DENND1A: variants seen among roughly 807,000 people sequenced by gnomAD.
DENND1A encodes DENN domain containing 1A, also known as DENN domain-containing protein 1A.
A neutral mutation model predicts 113.7 loss-of-function variants in DENND1A; 51 were observed. The ratio of observed to expected loss-of-function variants is 0.45; its 90% CI spans 0.36 to 0.57. The LOEUF (loss-of-function observed/expected upper bound fraction) is 0.57. Among genes scored for constraint, DENND1A ranks in the 20% least tolerant of loss-of-function variants. The pLI, the probability that DENND1A is intolerant of heterozygous loss-of-function variation, is 0.00. For synonymous variants in DENND1A, 565 were observed against 570.8 expected (o/e 0.99, Z 0.14); for missense variants, 1,258 against 1,395.9 (o/e 0.90, Z 1.57).
chr9:123,477,009 T>C (rs1397461627), intron 13 of DENND1A, among the ~76,000 whole-genome samples: 3 of 152,168 alleles, frequency 2.0e-5, no homozygotes. Flanking sequence ...ATGAAACCAT[T>C]AGGCCCCTTG....
intron 5 of DENND1A, among the ~76,000 whole-genome samples, chr9:123,677,832 G>A (rs536368102): frequency 6.6e-6 from 1 of 152,298 alleles, no homozygotes; most frequent in African/African-American, 2.4e-5. Context: ...ACATTTGTTA[G>A]GATGGACTTC....
chr9:123,385,085 C>A (rs2042488055), intron 22 of DENND1A, among the ~76,000 whole-genome samples: 1 of 152,238 alleles, frequency 6.6e-6, no homozygotes, highest in South Asian at 2.1e-4. Flanking sequence ...TCCCAGGGCA[C>A]CACTGGGTAG....
chr9:123,819,114 G>A (rs541648034), intron 2 of DENND1A, among the ~76,000 whole-genome samples: 1 of 152,306 alleles, frequency 6.6e-6, no homozygotes, highest in African/African-American at 2.4e-5. Context: ...ATCATGCACA[G>A]TAAAGTTTTG....
At chr9:123,421,444 G>T (rs367847192) in intron 19 of DENND1A, among the ~76,000 whole-genome samples, 1 of 152,146 alleles carries the variant, frequency 6.6e-6, no homozygotes, top group South Asian at 2.1e-4. Context: ...ATGTTAAAAC[G>T]TATCTCCTCG....
At chr9:123,686,153 G>A (rs1282064912) in intron 5 of DENND1A, among the ~76,000 whole-genome samples, 1 of 152,190 alleles carries the variant, frequency 6.6e-6, no homozygotes, top group Non-Finnish European at 1.5e-5. Context: ...AGTAAGGGGG[G>A]AAACTAGGTA....
chr9:123,748,222 A>G (rs2069688972), intron 5 of DENND1A, among the ~76,000 whole-genome samples: 1 of 152,184 alleles, frequency 6.6e-6, no homozygotes, highest in Admixed American at 6.5e-5. Flanking sequence ...GCTAGATACA[A>G]AGTTATACCT....
At chr9:123,782,627 C>T (rs1210046642) in intron 3 of DENND1A, among the ~76,000 whole-genome samples, 1 of 152,168 alleles carries the variant, frequency 6.6e-6, no homozygotes, top group African/African-American at 2.4e-5. Context: ...TTTAGGTTTT[C>T]TGATAGAAAT....
intron 20 of DENND1A, 112 bp from the exon 21 acceptor site, chr9:123,403,602 C>A: frequency 2.1e-6 from 2 of 955,276 alleles, no homozygotes; most frequent in South Asian, 1.4e-5. Flanking sequence ...TAGGGATTTT[C>A]AAAGCTACAG....
chr9:123,719,218 T>C (rs952935280), intron 5 of DENND1A, among the ~76,000 whole-genome samples: 2 of 152,206 alleles, frequency 1.3e-5, no homozygotes, highest in African/African-American at 4.8e-5. Flanking sequence ...GTTAACGTTA[T>C]CCCAAGTTTT....
At chr9:123,547,397 C>A (rs964246635) in intron 13 of DENND1A, among the ~76,000 whole-genome samples, 1 of 152,098 alleles carries the variant, frequency 6.6e-6, no homozygotes, top group South Asian at 2.1e-4. Flanking sequence ...GGCATGGTGG[C>A]GCATGCCTGT....
At chr9:123,629,180 A>G (rs1311294986) in intron 10 of DENND1A, among the ~76,000 whole-genome samples, 3 of 152,326 alleles carry the variant, frequency 2.0e-5, no homozygotes, top group African/African-American at 7.2e-5. Context: ...CCTGGACTCA[A>G]TCACTCCGAA....
At chr9:123,899,497 G>C (rs369594544) in intron 1 of DENND1A, among the ~76,000 whole-genome samples, 4 of 152,002 alleles carry the variant, frequency 2.6e-5, no homozygotes, top group Non-Finnish European at 5.9e-5. Flanking sequence ...AAAAAATAAG[G>C]TAATATAATT....
chr9:123,454,010 C>T (rs1383176754), intron 16 of DENND1A, among the ~76,000 whole-genome samples: 1 of 152,254 alleles, frequency 6.6e-6, no homozygotes, highest in Non-Finnish European at 1.5e-5. Flanking sequence ...TACTCTCCGC[C>T]AACTGCAGCC....
At chr9:123,809,732 A>G (rs1402348624) in intron 2 of DENND1A, among the ~76,000 whole-genome samples, 2 of 152,208 alleles carry the variant, frequency 1.3e-5, no homozygotes, top group Non-Finnish European at 2.9e-5. Context: ...GTGCAGTGGC[A>G]TGATCTCGGA....
chr9:123,564,676 C>T (rs2057948583), intron 12 of DENND1A, among the ~76,000 whole-genome samples: 4 of 152,260 alleles, frequency 2.6e-5, no homozygotes, highest in African/African-American at 7.2e-5. Flanking sequence ...ATGCTAGCTA[C>T]TACTGAGCAC....
intron 18 of DENND1A, among the ~76,000 whole-genome samples, chr9:123,441,038 T>C (rs573738207): frequency 2.0e-5 from 3 of 152,342 alleles, no homozygotes; most frequent in East Asian, 1.9e-4. Flanking sequence ...GCCAGTGATA[T>C]ATACTGCAGT....
At position 123,557,566 on chromosome 9, in the gene DENND1A, T is replaced by A; in HGVS notation, c.993+4A>T. ...AGGCTCTGTGACATGCCAAGGCTAC[T>A]CACCGGCTCGATTTTCAGAGCGTTT... On this transcript the variant is annotated splice_donor_region_variant and intron_variant, in intron 13 of 23. Coordinates refer to ENST00000394215, the MANE Select transcript of DENND1A (RefSeq NM_001352964.2). 1 of 1,613,632 alleles carries A rather than the reference T, an allele frequency of 6.2e-7. No individual in the cohort carries two copies. The highest frequency in any genetic ancestry group is 8.5e-7 in the Non-Finnish European group (1 of 1,179,830).
At chr9:123,552,033 GAGAGAC>G (rs1402403261) in intron 13 of DENND1A, among the ~76,000 whole-genome samples, 2 of 144,558 alleles carry the variant, frequency 1.4e-5, no homozygotes, top group Non-Finnish European at 3.0e-5. Context: ...GAGAGAGAGA[GAGAGAC>G]AGAGAGAGAG....
intron 2 of DENND1A, among the ~76,000 whole-genome samples, chr9:123,852,556 A>C (rs79104142): frequency 6.6e-6 from 1 of 152,228 alleles, no homozygotes; most frequent in Non-Finnish European, 1.5e-5. Context: ...GTTTGAATTT[A>C]TGAATAAGTA....
Sources: allele counts gnomAD v4.1 joint callset (sites outside exome capture counted in the v4.1 genomes callset), GRCh38; gene constraint gnomAD v4.1.1; transcripts MANE v1.5; gene names NCBI Gene and HGNC (gene_info 2026-07-23, HGNC 2026-07-21).